The following ADD3 variants were observed in gnomAD, a reference collection of about 807,000 sequenced individuals.
ADD3 encodes the protein adducin 3, also known as gamma-adducin.
Under a neutral mutation model 80.2 loss-of-function variants are expected in ADD3, and 25 were observed. The ratio of observed to expected loss-of-function variants is 0.31; its 90% confidence interval spans 0.23 to 0.44. The LOEUF is 0.44. Among genes scored for constraint, ADD3 ranks in the 20% least tolerant of loss-of-function variants. The pLI is 1.00. For missense variants in ADD3, 829 were observed against 847.5 expected (o/e 0.98, Z 0.27); for synonymous variants, 284 against 289.6 (o/e 0.98, Z 0.20).
chr10:110,125,758 GTTATCTAA>G, intron 10 of ADD3, 60 bp from the exon 11 acceptor site: 4 of 1,252,694 alleles, frequency 3.2e-6, no homozygotes, highest in Non-Finnish European at 4.4e-6. Context: ...ACTATAAGCA[GTTATCTAA>G]CAATCTACTA....
At chr10:110,067,100 A>G (rs1844048501) in intron 1 of ADD3, among the ~76,000 whole-genome samples, 1 of 152,252 alleles carries the variant, frequency 6.6e-6, no homozygotes, top group Non-Finnish European at 1.5e-5. Context: ...TTAACTGTAT[A>G]GTGCCTTTTA....
intron 1 of ADD3, among the ~76,000 whole-genome samples, chr10:110,031,534 A>G (rs1476195325): frequency 6.6e-6 from 1 of 151,896 alleles, no homozygotes; most frequent in Non-Finnish European, 1.5e-5. Context: ...GCTGTATTAT[A>G]CTCCCCTATG....
chr10:110,119,082 G>A, intron 6 of ADD3, 129 bp from the exon 7 acceptor site: 14 of 959,344 alleles, frequency 1.5e-5, no homozygotes, highest in East Asian at 2.5e-5. Context: ...AATAAAGTGG[G>A]AAGTGGGCTG....
At chr10:110,034,558 CAA>C (rs925676255) in intron 1 of ADD3, among the ~76,000 whole-genome samples, 3 of 151,644 alleles carry the variant, frequency 2.0e-5, no homozygotes, top group African/African-American at 7.3e-5. Context: ...AAAGGAAAAC[CAA>C]AGATTTCAAT....
intron 1 of ADD3, among the ~76,000 whole-genome samples, chr10:110,069,670 C>T (rs1228189283): frequency 6.6e-6 from 1 of 152,000 alleles, no homozygotes; most frequent in Admixed American, 6.5e-5. Flanking sequence ...AATTTGTTTA[C>T]TGACCTTAGT....
intron 1 of ADD3, among the ~76,000 whole-genome samples, chr10:110,049,235 C>T (rs1857226166): frequency 6.6e-6 from 1 of 152,230 alleles, no homozygotes; most frequent in South Asian, 2.1e-4. Context: ...GCCTGGATTC[C>T]AGGCAGAAGT....
At chr10:110,086,102 G>A (rs1418333181) in intron 1 of ADD3, among the ~76,000 whole-genome samples, 1 of 145,164 alleles carries the variant, frequency 6.9e-6, no homozygotes, top group East Asian at 2.1e-4. Flanking sequence ...GCGAAACTCC[G>A]TCTCAGAAAC....
chr10:110,104,275 A>C lies in ADD3; in HGVS notation c.195+3427A>C, dbSNP rs868283657. Among the ~76,000 whole-genome samples the C allele has an allele frequency of 2.0e-5, 3 of 152,326 alleles. 1 individual carries two copies. The highest frequency in any genetic ancestry group is 6.8e-3 in the Middle Eastern group (2 of 294). ...AGTGTTTTGATTAGGACTCAGTCCT[A>C]CTATTTACCAGGACTGAACCTCCCT... On this transcript the variant is annotated intron_variant, in intron 2 of 14. Coordinates refer to ENST00000356080, the MANE Select transcript of ADD3 (RefSeq NM_016824.5).
intron 13 of ADD3, among the ~76,000 whole-genome samples, chr10:110,131,476 G>C (rs1295166440): frequency 6.6e-6 from 1 of 152,194 alleles, no homozygotes; most frequent in Non-Finnish European, 1.5e-5. Flanking sequence ...CTCTGCTTTA[G>C]AGCATCCACA....
chr10:110,072,275 CA>C (rs1356181813), intron 1 of ADD3, among the ~76,000 whole-genome samples: 2 of 152,162 alleles, frequency 1.3e-5, no homozygotes, highest in Non-Finnish European at 2.9e-5. Context: ...CCATGTTAGC[CA>C]GGATGGTCTC....
intron 14 of ADD3, among the ~76,000 whole-genome samples, chr10:110,132,924 CAAA>C (rs60435351): frequency 9.1e-5 from 6 of 66,266 alleles, no homozygotes; most frequent in Non-Finnish European, 1.7e-4. Flanking sequence ...GACTCCGCCT[CAAA>C]AAAAAAAAAA....
chr10:110,080,921 T>C (rs1845985913), intron 1 of ADD3, among the ~76,000 whole-genome samples: 1 of 152,216 alleles, frequency 6.6e-6, no homozygotes, highest in African/African-American at 2.4e-5. Context: ...ACAAAAGCAG[T>C]ATTTTTGCTG....
At chr10:110,036,875 G>T (rs566594766) in intron 1 of ADD3, among the ~76,000 whole-genome samples, 38 of 152,250 alleles carry the variant, frequency 2.5e-4, no homozygotes, top group African/African-American at 8.9e-4. Flanking sequence ...ATTAGGTGAG[G>T]AGAAAGATCT....
intron 1 of ADD3, among the ~76,000 whole-genome samples, chr10:110,023,336 C>G (rs1853905826): frequency 6.6e-6 from 1 of 152,184 alleles, no homozygotes; most frequent in Non-Finnish European, 1.5e-5. Flanking sequence ...TTACCAGACA[C>G]TGAGTCTGCC....
At chr10:110,001,873 A>G (rs1448908544), upstream of ADD3, among the ~76,000 whole-genome samples, 1 of 152,234 alleles carries the variant, frequency 6.6e-6, no homozygotes, top group Non-Finnish European at 1.5e-5. Flanking sequence ...CATACTAGAG[A>G]TTCGTAGCTG....
At chr10:110,131,308 T>G (rs923873191) in intron 13 of ADD3, among the ~76,000 whole-genome samples, 3 of 152,242 alleles carry the variant, frequency 2.0e-5, no homozygotes, top group Non-Finnish European at 4.4e-5. Flanking sequence ...TAAGAGATTC[T>G]TCCTAGCAGG....
In ADD3 at chr10:110,133,376, A is replaced by T; in HGVS notation, c.1879A>T (p.Met627Leu). 6.2e-7 allele frequency: 1 copy of T among 1,608,508 alleles called. No individual in the cohort carries two copies. Among genetic ancestry groups the T allele is most frequent in the Non-Finnish European group, 8.5e-7 (1 of 1,175,438 alleles). Residue 627 changes from methionine (M) to leucine (L), a missense_variant, in exon 15 of 15, where the codon ATG becomes TTG. Transcript: ENST00000356080. ...KSFISMEVPVMVVNGKDDMHD... is the reference protein window; with the variant it reads ...KSFISMEVPVLVVNGKDDMHD... ...CTTCATCTCCATGGAAGTGCCTGTCATGGTAGTAAATGGCAAGGATGATAT... is the reference window on the plus strand; with the variant it reads ...CTTCATCTCCATGGAAGTGCCTGTCTTGGTAGTAAATGGCAAGGATGATAT...
rs964850598 is a variant in ADD3 at position 110,133,666 on chromosome 10, C to A, written c.*48C>A. 4.3e-6 allele frequency: 6 copies of A among 1,404,726 alleles called. No individual in the cohort carries two copies. Among genetic ancestry groups the A allele is most frequent in the Middle Eastern group, 3.9e-4 (2 of 5,182 alleles). 87.0% of individuals were successfully genotyped at this position (1,404,726 alleles called of 1,614,324 possible). On this transcript the variant is annotated 3_prime_UTR_variant, in exon 15 of 15. Transcript: ENST00000356080. ...ATTATAACAATGTGACATTGCACATCTAAATACCACATTTAAGTTGATCAT... is the reference window on the plus strand; with the variant it reads ...ATTATAACAATGTGACATTGCACATATAAATACCACATTTAAGTTGATCAT...
chr10:110,019,007 T>A (rs1414679762), intron 1 of ADD3, among the ~76,000 whole-genome samples: 6 of 152,206 alleles, frequency 3.9e-5, no homozygotes, highest in Non-Finnish European at 8.8e-5. Context: ...TCCTCATCAT[T>A]CCCAGCGCTG....
Sources: gnomAD v4.1 joint callset for allele counts (sites outside exome capture counted in the v4.1 genomes callset) on GRCh38, gnomAD v4.1.1 for gene constraint, MANE v1.5 for transcripts, NCBI Gene and HGNC (gene_info 2026-07-23, HGNC 2026-07-21) for gene names.